The following ABL1 variants were observed in gnomAD, a reference collection of about 807,000 sequenced individuals.
ABL1 encodes the protein tyrosine-protein kinase ABL1.
A neutral mutation model predicts 94.7 loss-of-function variants in ABL1; 11 were observed. The ratio of observed to expected loss-of-function variants is 0.12; its 90% CI spans 0.07 to 0.19. The LOEUF is 0.19. Among genes scored for constraint, ABL1 ranks in the 10% least tolerant of loss-of-function variants. The pLI is 1.00. For synonymous variants in ABL1, 656 were observed against 622.4 expected, an observed-to-expected ratio of 1.05 and a Z score of -0.80; for missense variants, 1,082 against 1,489.4, an observed-to-expected ratio of 0.73 and a Z score of 4.50.
upstream of ABL1, chr9:130,834,938 T>C (rs1329913533): frequency 1.1e-5 from 5 of 455,528 alleles, no homozygotes; most frequent in Admixed American, 2.4e-5. Context: ...GCGGTGCAGG[T>C]TGGAGACGCC....
chr9:130,735,816 G>A (rs1831727812), intron 1 of ABL1, among the ~76,000 whole-genome samples: 1 of 151,148 alleles, frequency 6.6e-6, no homozygotes, highest in Non-Finnish European at 1.5e-5. Context: ...GGGTTTAAGG[G>A]TACATGCGTT....
At chr9:130,878,939 G>A (rs4740378) in intron 8 of ABL1, among the ~76,000 whole-genome samples, 17,272 of 149,200 alleles carry the variant, frequency 0.12, 1,132 homozygotes, top group African/African-American at 0.18. Flanking sequence ...GTACAATGGC[G>A]CAATGTTGGC....
chr9:130,871,286 A>G (rs1831248246), intron 4 of ABL1, among the ~76,000 whole-genome samples: 1 of 152,238 alleles, frequency 6.6e-6, no homozygotes, highest in Admixed American at 6.5e-5. Context: ...GCCAAGGTCA[A>G]GGCTCTGTGT....
In ABL1 at chr9:130,880,649, G is replaced by A. The variant is rs2133024784; in HGVS notation, c.1663G>A (p.Gly555Ser). 1 of 1,613,462 alleles carries A rather than the reference G, an allele frequency of 6.2e-7. No homozygotes were observed. The highest frequency in any genetic ancestry group is 1.1e-5 in the South Asian group (1 of 91,056). Residue 555 changes from glycine (G) to serine (S), a missense_variant, in exon 10 of 11, where the codon GGC becomes AGC. Gly to Ser is a moderately conservative substitution (Grantham distance 56). Around this residue, in one of 7 missense-constraint regions of ABL1, gnomAD observed 780 missense variants for 835.8 expected, o/e 0.93. Transcript: ENST00000318560. The surrounding 1 kb of genome is among the most constrained non-coding windows in gnomAD (Gnocchi z 4.4). ...CGTGCCTGAGATGCCTCACTCCAAG[G>A]GCCAGGGAGAGAGCGGTAAGTCCCC... is the stretch of plus-strand genomic sequence containing the variant. ...TDVPEMPHSK[G>S]QGESDPLDHE...
intron 1 of ABL1, among the ~76,000 whole-genome samples, chr9:130,722,045 G>A (rs1831521731): frequency 6.6e-6 from 1 of 151,574 alleles, no homozygotes; most frequent in African/African-American, 2.4e-5. Flanking sequence ...ACCTCCCAAA[G>A]TGCTGGGATT....
At chr9:130,780,461 G>C (rs1477209082) in intron 1 of ABL1, among the ~76,000 whole-genome samples, 1 of 152,324 alleles carries the variant, frequency 6.6e-6, no homozygotes, top group African/African-American at 2.4e-5. Context: ...TATTGGGGCT[G>C]ATCTTGGAGC....
chr9:130,821,170 T>C (rs1173249073), intron 1 of ABL1, among the ~76,000 whole-genome samples: 2 of 152,172 alleles, frequency 1.3e-5, no homozygotes, highest in African/African-American at 2.4e-5. Flanking sequence ...GACCTCATGA[T>C]CCGCCAGCCT....
intron 1 of ABL1, among the ~76,000 whole-genome samples, chr9:130,803,337 C>T (rs779336536): frequency 3.3e-5 from 5 of 152,162 alleles, no homozygotes; most frequent in Admixed American, 2.0e-4. Context: ...TGCGCCCAGC[C>T]GGCTCTCTTT....
intron 6 of ABL1, among the ~76,000 whole-genome samples, chr9:130,873,687 C>T (rs1188043567): frequency 6.6e-6 from 1 of 152,186 alleles, no homozygotes; most frequent in African/African-American, 2.4e-5. Context: ...TTATCTTGGT[C>T]TTCAAATTCT....
In ABL1 at chr9:130,875,046, G is replaced by A. The variant is rs867460090; in HGVS notation, c.1264G>A (p.Val422Ile). 7.4e-6 allele frequency: 12 copies of A among 1,614,020 alleles called. No homozygotes were observed. Among genetic ancestry groups the A allele is most frequent in the Admixed American group, 6.7e-5 (4 of 59,994 alleles). ...CAACAAGTTCTCCATCAAGTCCGAC[G>A]TCTGGGGTAAGGGCTGCTGCTGCAC... ...AYNKFSIKSD[V>I]WAFGVLLWEI... Residue 422 changes from valine to isoleucine, a missense_variant, in exon 7 of 11, where the codon GTC becomes ATC. Val to Ile is a conservative substitution (Grantham distance 29, BLOSUM62 3). Transcript: ENST00000318560.
At chr9:130,763,691 CA>C (rs1166826008) in intron 1 of ABL1, among the ~76,000 whole-genome samples, 1 of 152,214 alleles carries the variant, frequency 6.6e-6, no homozygotes, top group African/African-American at 2.4e-5. Context: ...TGCGTGTCCT[CA>C]CAACATGTCA....
At chr9:130,849,552 C>T (rs1830825207) in intron 1 of ABL1, among the ~76,000 whole-genome samples, 1 of 152,066 alleles carries the variant, frequency 6.6e-6, no homozygotes, top group African/African-American at 2.4e-5. Context: ...CGATGTCTCA[C>T]TCTGTTGCCC....
intron 1 of ABL1, among the ~76,000 whole-genome samples, chr9:130,797,188 A>T (rs1048306858): frequency 1.2e-4 from 16 of 136,318 alleles, no homozygotes; most frequent in African/African-American, 4.3e-4. Flanking sequence ...GTGAGCCGAG[A>T]TCGCGCCACT....
chr9:130,788,802 A>G (rs1350124470), intron 1 of ABL1, among the ~76,000 whole-genome samples: 2 of 152,144 alleles, frequency 1.3e-5, no homozygotes, highest in Non-Finnish European at 2.9e-5. Context: ...CAAGTTACAC[A>G]TTTCTGTTTT....
chr9:130,873,311 G>T (rs1831284899), intron 6 of ABL1, among the ~76,000 whole-genome samples: 1 of 152,200 alleles, frequency 6.6e-6, no homozygotes, highest in African/African-American at 2.4e-5. Context: ...GAACCATTTT[G>T]GGCTAAGTGG....
chr9:130,791,515 G>A (rs958811822), intron 1 of ABL1, among the ~76,000 whole-genome samples: 2 of 152,126 alleles, frequency 1.3e-5, no homozygotes, highest in Non-Finnish European at 2.9e-5. Flanking sequence ...CACCCTCAAC[G>A]TGGGTGGGCA....
At chr9:130,830,930 C>G (rs1243747046), upstream of ABL1, among the ~76,000 whole-genome samples, 13 of 152,060 alleles carry the variant, frequency 8.5e-5, no homozygotes, top group Non-Finnish European at 5.9e-5. Context: ...GTAGTGCTAC[C>G]CGATTGAAAA....
intron 1 of ABL1, among the ~76,000 whole-genome samples, chr9:130,725,863 A>C (rs1253850628): frequency 2.1e-5 from 2 of 96,226 alleles, no homozygotes; most frequent in African/African-American, 3.9e-5. Flanking sequence ...AGACAGTCTC[A>C]CTCTGTCTCC....
chr9:130,804,385 G>A (rs1394231417), intron 1 of ABL1, among the ~76,000 whole-genome samples: 2 of 152,092 alleles, frequency 1.3e-5, no homozygotes, highest in Non-Finnish European at 2.9e-5. Context: ...TCAGGAGTTC[G>A]AGACAAGCCT....
Sources: allele counts gnomAD v4.1 joint callset (sites outside exome capture counted in the v4.1 genomes callset), GRCh38; gene constraint gnomAD v4.1.1; regional missense constraint gnomAD v4.1.1; non-coding constraint Gnocchi (gnomAD v3.1); transcripts MANE v1.5; gene names NCBI Gene and HGNC (gene_info 2026-07-23, HGNC 2026-07-21).